DOCK3: variants seen among roughly 807,000 people sequenced by gnomAD.
The protein encoded by DOCK3 is dedicator of cytokinesis protein 3.
In DOCK3, 60 loss-of-function variants were observed where a neutral mutation model predicts 265.6. That is an observed-to-expected ratio of 0.23 (90% CI 0.18 to 0.28). DOCK3 has a LOEUF of 0.28. DOCK3 is among the 10% of genes least tolerant of loss of function. The probability of loss-of-function intolerance (pLI) is 1.00; values close to 1 mark genes in which losing one functional copy is unlikely to be tolerated. For missense variants in DOCK3, 1,981 were observed against 2,594.3 expected, an observed-to-expected ratio of 0.76 and a Z score of 5.14; for synonymous variants, 881 against 938.0, an observed-to-expected ratio of 0.94 and a Z score of 1.11.
intron 2 of DOCK3, among the ~76,000 whole-genome samples, chr3:50,796,062 A>T (rs978436359): frequency 6.7e-6 from 1 of 150,224 alleles, no homozygotes; most frequent in Non-Finnish European, 1.5e-5. Context: ...TTTTTTTCAG[A>T]CGGAGTCTGG....
At chr3:51,270,678 G>T in intron 23 of DOCK3, 137 bp from the exon 24 acceptor site, 1 of 841,232 alleles carries the variant, frequency 1.2e-6, no homozygotes, top group Non-Finnish European at 1.8e-6. Flanking sequence ...GTAGTCAGTG[G>T]CCAGGGAGGA....
At chr3:51,345,409 G>A (rs903324992) in intron 38 of DOCK3, among the ~76,000 whole-genome samples, 13 of 152,148 alleles carry the variant, frequency 8.5e-5, no homozygotes, top group African/African-American at 3.1e-4. Flanking sequence ...CTACGAGTTT[G>A]AGACCAGCCG....
intron 2 of DOCK3, among the ~76,000 whole-genome samples, chr3:50,834,939 C>G (rs1041582896): frequency 2.0e-5 from 3 of 152,088 alleles, no homozygotes; most frequent in African/African-American, 7.2e-5. Context: ...AATGTCACAC[C>G]CAATTCTTAA....
chr3:50,701,944 G>A (rs1226575844), intron 1 of DOCK3, among the ~76,000 whole-genome samples: 1 of 152,178 alleles, frequency 6.6e-6, no homozygotes, highest in Admixed American at 6.5e-5. Context: ...TTTAATGCCA[G>A]TACCATGTTG....
chr3:51,106,286 G>T (rs887779605), intron 9 of DOCK3, among the ~76,000 whole-genome samples: 4 of 152,162 alleles, frequency 2.6e-5, no homozygotes. Context: ...GGTAATTTGT[G>T]GGTACCCACA....
intron 5 of DOCK3, among the ~76,000 whole-genome samples, chr3:50,990,830 C>G (rs1331036181): frequency 1.3e-5 from 2 of 152,108 alleles, no homozygotes; most frequent in Non-Finnish European, 1.5e-5. Context: ...TTTGGCCGTG[C>G]TGGCAGCTGA....
chr3:50,876,344 T>C (rs2107619324), intron 3 of DOCK3, among the ~76,000 whole-genome samples: 1 of 152,182 alleles, frequency 6.6e-6, no homozygotes, highest in East Asian at 1.9e-4. Context: ...AAAGGAAAAA[T>C]ACAAAATGAT....
chr3:51,198,423 T>A (rs1041478249), intron 12 of DOCK3, among the ~76,000 whole-genome samples: 7 of 152,150 alleles, frequency 4.6e-5, no homozygotes, highest in Non-Finnish European at 1.0e-4. Context: ...GCTTCCAGGA[T>A]GTCCCAACAT....
chr3:50,974,749 A>G (rs1023871510), intron 5 of DOCK3, among the ~76,000 whole-genome samples: 24 of 131,414 alleles, frequency 1.8e-4, no homozygotes, highest in African/African-American at 5.3e-4. Context: ...CATTTTCACG[A>G]TATTGATTCT....
intron 21 of DOCK3, among the ~76,000 whole-genome samples, chr3:51,239,007 T>C (rs1478437995): frequency 6.6e-6 from 1 of 152,204 alleles, no homozygotes; most frequent in African/African-American, 2.4e-5. Flanking sequence ...ATGGTAGTTC[T>C]GTTTTTACGT....
chr3:51,140,652 A>G (rs1159352377), intron 9 of DOCK3, among the ~76,000 whole-genome samples: 1 of 152,102 alleles, frequency 6.6e-6, no homozygotes, highest in Non-Finnish European at 1.5e-5. Context: ...TTTCTATGCT[A>G]ACCTTTTGAG....
chr3:50,983,227 T>A (rs2077762490), intron 5 of DOCK3, among the ~76,000 whole-genome samples: 1 of 152,040 alleles, frequency 6.6e-6, no homozygotes, highest in Non-Finnish European at 1.5e-5. Context: ...GGCCTGCAGG[T>A]GCCCCTTGGA....
In DOCK3 at chr3:51,333,042, T is replaced by G. The variant is rs1560452697; in HGVS notation, c.3515+15T>G. ...CCCTACCCCAGGTAAGACTGCAGTG[T>G]GGTAAGTCTGCTGTCTCCAGATCCA... is the stretch of plus-strand genomic sequence containing the variant. On this transcript the variant is annotated intron_variant, in intron 34 of 52. Transcript: ENST00000266037. 38 of 1,613,950 alleles carry G rather than the reference T, an allele frequency of 2.4e-5. No homozygotes were observed. The highest frequency in any genetic ancestry group is 3.2e-5 in the Non-Finnish European group (38 of 1,179,864).
chr3:50,774,407 G>T (rs2041466689), intron 1 of DOCK3, among the ~76,000 whole-genome samples: 1 of 151,882 alleles, frequency 6.6e-6, no homozygotes, highest in South Asian at 2.1e-4. Flanking sequence ...ATAGCTTCTT[G>T]TGTAGAGTTC....
chr3:51,118,036 TC>T (rs1245966062), intron 9 of DOCK3, among the ~76,000 whole-genome samples: 4 of 152,270 alleles, frequency 2.6e-5, no homozygotes, highest in Admixed American at 6.5e-5. Flanking sequence ...ACTAGTTGTT[TC>T]AATTGTGATG....
chr3:50,815,602 A>G (rs1429464257), intron 2 of DOCK3, among the ~76,000 whole-genome samples: 1 of 151,910 alleles, frequency 6.6e-6, no homozygotes, highest in East Asian at 1.9e-4. Context: ...CCTAAGAGAA[A>G]AATGTCACGG....
chr3:51,102,338 T>G (rs1459398222), intron 9 of DOCK3, among the ~76,000 whole-genome samples: 1 of 152,238 alleles, frequency 6.6e-6, no homozygotes, highest in African/African-American at 2.4e-5. Context: ...ACTGGATATT[T>G]TAATCTTCAC....
rs114837354 is a variant in DOCK3, at chr3:50,967,525, C to A, written c.315+33448C>A. 6.5e-3 allele frequency among the ~76,000 whole-genome samples: 997 copies of A among 152,234 alleles called. 6 individuals are homozygous for A. The highest frequency in any genetic ancestry group is 0.022 in the African/African-American group (932 of 41,534). ...TTTGGATAAATACCCATATTAGTCC[C>A]TTTTCACACTGCTGATAAAGACATA... is the stretch of plus-strand genomic sequence containing the variant. On this transcript the variant is annotated intron_variant, in intron 5 of 52. Transcript: ENST00000266037.
At position 51,228,569 on chromosome 3, in the gene DOCK3, T is replaced by C. The variant is rs1056939132; in HGVS notation, c.1648-92T>C. ...GGCCCAACGTTCAGCCTTAGGAAGA[T>C]GAGAGCAAGTATCAGCCCAGAAATT... On this transcript the variant is annotated intron_variant, in intron 17 of 52. Coordinates refer to ENST00000266037, the MANE Select transcript of DOCK3 (RefSeq NM_004947.5). 3 of 1,407,212 alleles carry C rather than the reference T, an allele frequency of 2.1e-6. No individual in the cohort carries two copies. The African/African-American group carries it at 4.3e-5, about 20-fold the overall frequency. 87.2% of individuals were successfully genotyped at this position (1,407,212 alleles called of 1,614,324 possible). A position where few individuals can be genotyped will look rare whatever the true frequency, so the allele number is the denominator to read the frequency against.
Sources: allele counts gnomAD v4.1 joint callset (sites outside exome capture counted in the v4.1 genomes callset), GRCh38; gene constraint gnomAD v4.1.1; transcripts MANE v1.5; gene names NCBI Gene and HGNC (gene_info 2026-07-23, HGNC 2026-07-21).